The following EYA1 variants were observed in gnomAD, a reference collection of about 807,000 sequenced individuals.
The protein encoded by EYA1 is protein phosphatase EYA1.
A neutral mutation model predicts 82.0 loss-of-function variants in EYA1; 16 were observed. That is an observed-to-expected ratio of 0.20 (90% CI 0.13 to 0.30). The LOEUF is 0.30. Ranked by LOEUF, EYA1 falls within the 10% of genes least tolerant of loss-of-function variation. The probability of loss-of-function intolerance (pLI) is 1.00; values close to 1 mark genes in which losing one functional copy is unlikely to be tolerated. For missense variants in EYA1, 633 were observed against 730.7 expected, an observed-to-expected ratio of 0.87 and a Z score of 1.54; for synonymous variants, 261 against 264.4, an observed-to-expected ratio of 0.99 and a Z score of 0.12.
At chr8:71,526,931 G>T (rs1485261229) in intron 2 of EYA1, among the ~76,000 whole-genome samples, 1 of 152,138 alleles carries the variant, frequency 6.6e-6, no homozygotes, top group Non-Finnish European at 1.5e-5. Context: ...CACATCCTGG[G>T]AATGGGATAC....
At chr8:71,489,547 T>C (rs980911118) in intron 2 of EYA1, among the ~76,000 whole-genome samples, 2 of 152,240 alleles carry the variant, frequency 1.3e-5, no homozygotes, top group African/African-American at 2.4e-5. Flanking sequence ...TCTTTAACTG[T>C]AGTCTAAGCA....
intron 2 of EYA1, among the ~76,000 whole-genome samples, chr8:71,533,913 A>C (rs1210253810): frequency 6.6e-6 from 1 of 152,228 alleles, no homozygotes; most frequent in Non-Finnish European, 1.5e-5. Context: ...ACTCTCACAT[A>C]ATAAAAACAG....
chr8:71,287,184 T>A (rs1164097038), intron 9 of EYA1, among the ~76,000 whole-genome samples: 1 of 152,154 alleles, frequency 6.6e-6, no homozygotes, highest in African/African-American at 2.4e-5. Flanking sequence ...TTAGTTTAGA[T>A]TCTCAGTGAC....
intron 2 of EYA1, among the ~76,000 whole-genome samples, chr8:71,417,811 T>C (rs1031209022): frequency 2.0e-5 from 3 of 152,200 alleles, no homozygotes; most frequent in African/African-American, 7.2e-5. Flanking sequence ...GTCCAAAATA[T>C]AACTCTATCT....
intron 8 of EYA1, 39 bp from the exon 9 acceptor site, chr8:71,299,272 ACTG>A: frequency 6.3e-7 from 1 of 1,588,736 alleles, no homozygotes; most frequent in Non-Finnish European, 8.6e-7. Context: ...CTGTCAAAAT[ACTG>A]CTGCTTATCT....
intron 2 of EYA1, among the ~76,000 whole-genome samples, chr8:71,368,091 T>C (rs780039796): frequency 2.6e-5 from 4 of 152,162 alleles, no homozygotes; most frequent in African/African-American, 7.2e-5. Flanking sequence ...AGGGATTCTG[T>C]TTTAATAGTA....
chr8:71,404,404 G>T (rs1020773999), intron 2 of EYA1: 1 of 152,100 alleles, frequency 6.6e-6, no homozygotes, highest in African/African-American at 2.4e-5. Context: ...AATATCAGTG[G>T]TCACCACACT....
chr8:71,202,241 A>T (rs1351829331), intron 17 of EYA1, among the ~76,000 whole-genome samples: 1 of 132,248 alleles, frequency 7.6e-6, no homozygotes, highest in Non-Finnish European at 1.6e-5. Context: ...GAAATCAAAA[A>T]GGGAACTAAA....
intron 1 of EYA1, among the ~76,000 whole-genome samples, chr8:71,537,958 A>G (rs1201620763): frequency 6.6e-6 from 1 of 152,232 alleles, no homozygotes; most frequent in East Asian, 1.9e-4. Context: ...TGAGAAGTCA[A>G]AACAGTCAGC....
chr8:71,220,960 A>G (rs1228638342), intron 12 of EYA1, among the ~76,000 whole-genome samples: 1 of 152,232 alleles, frequency 6.6e-6, no homozygotes, highest in Non-Finnish European at 1.5e-5. Flanking sequence ...CCCTCAAGGC[A>G]CTTACATGGT....
intron 2 of EYA1, among the ~76,000 whole-genome samples, chr8:71,430,310 T>C (rs565339346): frequency 4.6e-5 from 7 of 152,294 alleles, no homozygotes; most frequent in Non-Finnish European, 1.0e-4. Flanking sequence ...ATGTTACAGT[T>C]GCAGAAGACT....
At chr8:71,254,995 A>C (rs1008269623) in intron 11 of EYA1, among the ~76,000 whole-genome samples, 1 of 152,236 alleles carries the variant, frequency 6.6e-6, no homozygotes, top group Non-Finnish European at 1.5e-5. Context: ...TTCCATTTAC[A>C]ATAGCAGAAA....
At position 71,301,308 on chromosome 8, in the gene EYA1, A is replaced by C. The variant is rs1820173363; in HGVS notation, c.557-1588T>G. 2.0e-5 allele frequency among the ~76,000 whole-genome samples: 3 copies of C among 152,178 alleles called. No individual in the cohort carries two copies. In the South Asian group the frequency reaches 6.2e-4, roughly 31 times the overall value. On this transcript the variant is annotated intron_variant, in intron 7 of 17. Coordinates refer to ENST00000340726, the MANE Select transcript of EYA1 (RefSeq NM_000503.6). Reference sequence around the variant, plus strand: ...AAAACATAATTTCCTTATCTGCAAAAACTCTACTTTGCAGTGTTCCTAACA... The same window carrying C: ...AAAACATAATTTCCTTATCTGCAAACACTCTACTTTGCAGTGTTCCTAACA...
At chr8:71,370,537 G>C (rs1044465276) in intron 2 of EYA1, among the ~76,000 whole-genome samples, 2 of 151,644 alleles carry the variant, frequency 1.3e-5, no homozygotes, top group Non-Finnish European at 2.9e-5. Flanking sequence ...ATCCCCTAGA[G>C]CACCAGTAAA....
chr8:71,322,358 G>A, intron 4 of EYA1, 90 bp from the exon 5 acceptor site: 1 of 1,151,020 alleles, frequency 8.7e-7, no homozygotes, highest in Non-Finnish European at 1.3e-6. Flanking sequence ...TCAACTATAG[G>A]TTGGCCATAT....
chr8:71,229,264 C>T (rs933231788), intron 12 of EYA1, among the ~76,000 whole-genome samples: 8 of 152,018 alleles, frequency 5.3e-5, no homozygotes, highest in African/African-American at 1.9e-4. Context: ...GGTTTCTTTC[C>T]CTTCTCCATC....
chr8:71,433,474 A>T (rs1242010217), intron 2 of EYA1, among the ~76,000 whole-genome samples: 3 of 152,244 alleles, frequency 2.0e-5, no homozygotes, highest in Admixed American at 6.5e-5. Context: ...CCATCATATG[A>T]CAATCAGCAC....
chr8:71,514,408 A>G (rs1812815305), intron 2 of EYA1, among the ~76,000 whole-genome samples: 1 of 152,150 alleles, frequency 6.6e-6, no homozygotes, highest in Non-Finnish European at 1.5e-5. Context: ...TCATCTGTAC[A>G]TATGCATCAA....
rs571881685 is a variant in EYA1, at chr8:71,515,930, C to T, written c.33+19814G>A. On this transcript the variant is annotated intron_variant, in intron 2 of 18. Transcript: ENST00000643681. ...TATCACATAAAATATAAAACCTATA[C>T]AAATATATACTTTTCAAAAGGATGG... 2.0e-3 allele frequency among the ~76,000 whole-genome samples: 308 copies of T among 152,140 alleles called. 2 individuals carry two copies. The highest frequency in any genetic ancestry group is 3.6e-3 in the Non-Finnish European group (244 of 67,970).
Sources: gnomAD v4.1 joint callset for allele counts (sites outside exome capture counted in the v4.1 genomes callset) on GRCh38, gnomAD v4.1.1 for gene constraint, MANE v1.5 for transcripts, NCBI Gene and HGNC (gene_info 2026-07-23, HGNC 2026-07-21) for gene names.